NNT: variants seen among roughly 807,000 people sequenced by gnomAD.
NNT encodes nicotinamide nucleotide transhydrogenase.
In NNT, 50 loss-of-function variants were observed where a neutral mutation model predicts 104.8. That is an observed-to-expected ratio of 0.48 (90% CI 0.38 to 0.60). The LOEUF is 0.60. NNT is among the 20% of genes least tolerant of loss of function. The pLI is 0.00. For missense variants in NNT, 1,131 were observed against 1,330.7 expected (o/e 0.85, Z 2.33); for synonymous variants, 461 against 490.4 (o/e 0.94, Z 0.79).
chr5:43,646,266 T>G (rs565618771), intron 10 of NNT, among the ~76,000 whole-genome samples: 1 of 152,270 alleles, frequency 6.6e-6, no homozygotes, highest in African/African-American at 2.4e-5. Context: ...AATGCAGTCA[T>G]TTATATATAT....
intron 5 of NNT, among the ~76,000 whole-genome samples, 157 bp downstream of exon 5, chr5:43,619,276 G>A (rs1437697596): frequency 2.0e-5 from 3 of 151,932 alleles, no homozygotes; most frequent in Non-Finnish European, 4.4e-5. Context: ...AAAGCTTAAC[G>A]TTTAAGATTG....
intron 19 of NNT, among the ~76,000 whole-genome samples, chr5:43,692,132 C>T (rs539207571): frequency 6.6e-6 from 1 of 152,286 alleles, no homozygotes; most frequent in South Asian, 2.1e-4. Context: ...CTAGCAACTA[C>T]TGTCTGATTA....
In NNT at chr5:43,691,502, A is replaced by G. The variant is rs578053125; in HGVS notation, c.2877-8617A>G. On this transcript the variant is annotated intron_variant, in intron 19 of 21. Coordinates refer to ENST00000344920, the MANE Select transcript of NNT (RefSeq NM_182977.3). ...TTAAATCTGTAGTTCTATGAGCTAA[A>G]TCTAGTTATTTAGTTTCATCATTGG... Among the ~76,000 whole-genome samples the G allele has an allele frequency of 1.6e-3, 243 of 152,320 alleles. 1 individual carries two copies. The highest frequency in any genetic ancestry group is 5.6e-3 in the African/African-American group (233 of 41,578).
chr5:43,685,218 T>C (rs1398110092), intron 19 of NNT, among the ~76,000 whole-genome samples: 2 of 152,184 alleles, frequency 1.3e-5, no homozygotes, highest in Non-Finnish European at 2.9e-5. Flanking sequence ...GAGCCTTCTT[T>C]TTATTTTCTG....
Position 43,612,965 on chromosome 5 carries a change from A to G in NNT, c.209A>G (p.Lys70Arg). The G allele has an allele frequency of 6.2e-7, 1 of 1,614,156 alleles. No individual in the cohort carries two copies. The highest frequency in any genetic ancestry group is 1.1e-5 in the South Asian group (1 of 91,080). Residue 70 changes from lysine (K) to arginine (R), a missense_variant, in exon 3 of 22, where the codon AAG (lysine) becomes AGG (arginine). Physicochemically the swap from Lys to Arg is conservative, Grantham distance 26. Coordinates refer to ENST00000344920, the MANE Select transcript of NNT (RefSeq NM_182977.3). ...CCCAAAGAGATATTCCAAAATGAGAAGCGAGTGGCATTGTCTCCTGCTGGT... is the reference window on the plus strand; with the variant it reads ...CCCAAAGAGATATTCCAAAATGAGAGGCGAGTGGCATTGTCTCCTGCTGGT... ...GVPKEIFQNE[K>R]RVALSPAGVQ...
chr5:43,675,687 A>G lies in NNT; in HGVS notation c.2794+17A>G. On this transcript the variant is annotated intron_variant, in intron 18 of 21. Transcript: ENST00000344920. ...TTACACCAGGTAAAGAAAAAAAGCAAAAGCAAATAACCTATAATAGCTGTT... is the reference window on the plus strand; with the variant it reads ...TTACACCAGGTAAAGAAAAAAAGCAGAAGCAAATAACCTATAATAGCTGTT... The G allele has an allele frequency of 6.3e-7, 1 of 1,576,626 alleles. No individual in the cohort carries two copies. Among genetic ancestry groups the G allele is most frequent in the Non-Finnish European group, 8.6e-7 (1 of 1,162,108 alleles).
chr5:43,696,276 A>C (rs1269861083), intron 19 of NNT, among the ~76,000 whole-genome samples: 1 of 152,188 alleles, frequency 6.6e-6, no homozygotes, highest in Non-Finnish European at 1.5e-5. Flanking sequence ...CAAGTTTGAA[A>C]TCCAGCAGGG....
At chr5:43,657,610 A>G (rs1328129640) in intron 16 of NNT, among the ~76,000 whole-genome samples, 1 of 152,226 alleles carries the variant, frequency 6.6e-6, no homozygotes, top group East Asian at 1.9e-4. Flanking sequence ...CCTAATTTAT[A>G]GTGTAAAAAT....
At chr5:43,672,451 A>T (rs199615245) in intron 17 of NNT, among the ~76,000 whole-genome samples, 753 of 124,476 alleles carry the variant, frequency 6.0e-3, no homozygotes, top group South Asian at 9.4e-3. Flanking sequence ...GGTGACGTAC[A>T]GATGAGGTTT....
intron 17 of NNT, among the ~76,000 whole-genome samples, chr5:43,671,843 TG>T (rs1409796708): frequency 1.3e-5 from 2 of 152,220 alleles, no homozygotes; most frequent in Non-Finnish European, 1.5e-5. Context: ...CTTGCTAGGT[TG>T]GGGAAGTTCT....
At chr5:43,618,009 T>TTA (rs1749876836) in intron 4 of NNT, among the ~76,000 whole-genome samples, 1 of 152,220 alleles carries the variant, frequency 6.6e-6, no homozygotes, top group Non-Finnish European at 1.5e-5. Flanking sequence ...AGTTGCTTTA[T>TTA]AATATTGAGC....
At chr5:43,608,893 T>A (rs1749358911) in intron 1 of NNT, among the ~76,000 whole-genome samples, 1 of 152,194 alleles carries the variant, frequency 6.6e-6, no homozygotes, top group Admixed American at 6.5e-5. Context: ...AGGCTTGGAA[T>A]TGAATAGTGA....
chr5:43,624,197 T>C lies in NNT; in HGVS notation c.776+77T>C, dbSNP rs1750245154. On this transcript the variant is annotated intron_variant, in intron 6 of 21. Transcript: ENST00000344920. Reference sequence around the variant, plus strand: ...GGCATATTATGATTGCCTTAAAACTTGTAAATTGAAGTAGCACATTGCAAC... The same window carrying C: ...GGCATATTATGATTGCCTTAAAACTCGTAAATTGAAGTAGCACATTGCAAC... 15 of 1,298,972 alleles carry C rather than the reference T, an allele frequency of 1.2e-5. No individual in the cohort carries two copies. In the South Asian group the frequency reaches 1.7e-4, roughly 14 times the overall value. 80.5% of individuals were successfully genotyped at this position (1,298,972 alleles called of 1,614,324 possible). A position where few individuals can be genotyped will look rare whatever the true frequency, so the allele number is the denominator to read the frequency against.
chr5:43,660,212 C>T (rs1740283055), intron 17 of NNT, among the ~76,000 whole-genome samples: 1 of 152,086 alleles, frequency 6.6e-6, no homozygotes, highest in Non-Finnish European at 1.5e-5. Context: ...GCTCATTATA[C>T]TTATAGCCAT....
intron 2 of NNT, among the ~76,000 whole-genome samples, chr5:43,610,347 G>T (rs1240854221): frequency 6.6e-6 from 1 of 151,910 alleles, no homozygotes; most frequent in Non-Finnish European, 1.5e-5. Flanking sequence ...GATCATCCCA[G>T]TACTTCTGTC....
chr5:43,651,711 T>G (rs751289819), intron 12 of NNT, 28 bp from the exon 13 acceptor site: 4 of 1,612,834 alleles, frequency 2.5e-6, no homozygotes, highest in Non-Finnish European at 3.4e-6. Context: ...AGAGGTACTA[T>G]GTTTTTTATT....
Position 43,656,636 on chromosome 5 carries a change from T to C in NNT, c.2294-17T>C. ...ACAACACATTCTGAATTGTAACTAC[T>C]ATGTGCTTGGCTCTAGGTCTCCTGA... On this transcript the variant is annotated splice_polypyrimidine_tract_variant and intron_variant, in intron 15 of 21. Coordinates refer to ENST00000344920, the MANE Select transcript of NNT (RefSeq NM_182977.3). 1 of 1,594,624 alleles carries C rather than the reference T, an allele frequency of 6.3e-7. No individual in the cohort carries two copies. The highest frequency in any genetic ancestry group is 8.5e-7 in the Non-Finnish European group (1 of 1,172,776).
In NNT at chr5:43,649,235, G is replaced by A. The variant is rs766424955; in HGVS notation, c.1533G>A (p.Val511=). The A allele has an allele frequency of 3.7e-6, 6 of 1,614,008 alleles. No homozygotes were observed. The highest frequency in any genetic ancestry group is 4.5e-5 in the East Asian group (2 of 44,882). Residue 511 remains valine, a synonymous_variant, in exon 11 of 22, where the codon GTG becomes GTA. Coordinates refer to ENST00000344920, the MANE Select transcript of NNT (RefSeq NM_182977.3). ...MVTTFGLAGI[V]GYHTVWGVTP... ...CCACTTTTGGCTTGGCTGGCATTGT[G>A]GGGTATCATACCGTCTGGGGAGTGA...
At chr5:43,618,645 TTTCTATTATG>T (rs1246050482) in intron 4 of NNT, among the ~76,000 whole-genome samples, 1 of 152,196 alleles carries the variant, frequency 6.6e-6, no homozygotes, top group Non-Finnish European at 1.5e-5. Context: ...TTCATTACAT[TTTCTATTATG>T]TTCTACAGTA....
Sources: allele counts gnomAD v4.1 joint callset (sites outside exome capture counted in the v4.1 genomes callset), GRCh38; gene constraint gnomAD v4.1.1; transcripts MANE v1.5; gene names NCBI Gene and HGNC (gene_info 2026-07-23, HGNC 2026-07-21).